The following USP34 variants were observed in gnomAD, a reference collection of about 807,000 sequenced individuals.
The protein encoded by USP34 is ubiquitin carboxyl-terminal hydrolase 34.
A neutral mutation model predicts 460.3 loss-of-function variants in USP34; 70 were observed. That is an observed-to-expected ratio of 0.15 (90% CI 0.13 to 0.19). USP34 has a LOEUF of 0.19. USP34 is among the 10% of genes least tolerant of loss of function. The probability of loss-of-function intolerance (pLI) is 1.00; values close to 1 mark genes in which losing one functional copy is unlikely to be tolerated. For missense variants in USP34, 3,985 were observed against 4,236.2 expected, an observed-to-expected ratio of 0.94 and a Z score of 1.65; for synonymous variants, 1,647 against 1,405.3, an observed-to-expected ratio of 1.17 and a Z score of -3.85.
intron 53 of USP34, among the ~76,000 whole-genome samples, chr2:61,239,300 T>TCACTCACACACACA (rs1553355588): frequency 1.7e-4 from 23 of 132,856 alleles, no homozygotes; most frequent in East Asian, 1.2e-3. Flanking sequence ...GAGGGCCCTG[T>TCACTCACACACACA]CACACACACA....
intron 1 of USP34, among the ~76,000 whole-genome samples, chr2:61,432,714 G>A (rs568804854): frequency 6.6e-6 from 1 of 152,002 alleles, no homozygotes; most frequent in East Asian, 1.9e-4. Flanking sequence ...GGGTGGGAGA[G>A]AGACAATGGA....
At chr2:61,246,920 A>G (rs1382608837) in intron 49 of USP34, among the ~76,000 whole-genome samples, 1 of 152,174 alleles carries the variant, frequency 6.6e-6, no homozygotes, top group African/African-American at 2.4e-5. Flanking sequence ...CTAAGACCTA[A>G]AAAGGAATTA....
chr2:61,416,080 A>G (rs1558581695), intron 2 of USP34, among the ~76,000 whole-genome samples: 1 of 152,194 alleles, frequency 6.6e-6, no homozygotes, highest in Non-Finnish European at 1.5e-5. Flanking sequence ...GAATGAAAGG[A>G]CTATTACTCC....
intron 21 of USP34, among the ~76,000 whole-genome samples, chr2:61,320,451 G>A (rs1237630065): frequency 6.6e-6 from 1 of 152,168 alleles, no homozygotes; most frequent in African/African-American, 2.4e-5. Flanking sequence ...GCAGACATGG[G>A]GAGAATGTGT....
At chr2:61,212,998 A>G (rs1030114537) in intron 68 of USP34, among the ~76,000 whole-genome samples, 6 of 152,158 alleles carry the variant, frequency 3.9e-5, no homozygotes, top group Admixed American at 6.5e-5. Flanking sequence ...TGGTACTTGT[A>G]CACTCACTCT....
rs72884976 is a variant in USP34, at chr2:61,188,402, A to G, written c.10341T>C (p.Cys3447=). 2,040 of 1,614,182 alleles carry G rather than the reference A, an allele frequency of 1.3e-3. 28 individuals carry two copies. The African/African-American group carries it at 0.024, about 19-fold the overall frequency. The part of the protein sequence containing the change: ...EQSNNGRYDD[C]KEFKDLHCSK... ...AACAGTGGAGGTCTTTAAATTCTTT[A>G]CAATCGTCATATCTACCATTGTTGG... The change falls in exon 80 of 80, where the codon TGT becomes TGC. Residue 3447 remains cysteine (C), a synonymous_variant. Coordinates refer to ENST00000398571, the MANE Select transcript of USP34 (RefSeq NM_014709.4).
intron 1 of USP34, among the ~76,000 whole-genome samples, chr2:61,455,274 G>C (rs1471313106): frequency 2.0e-5 from 3 of 152,036 alleles, no homozygotes; most frequent in Admixed American, 2.0e-4. Flanking sequence ...CGCCTCCCGG[G>C]TTCAAGCAAT....
At chr2:61,231,407 T>C (rs1349490387) in intron 58 of USP34, among the ~76,000 whole-genome samples, 1 of 152,114 alleles carries the variant, frequency 6.6e-6, no homozygotes, top group Non-Finnish European at 1.5e-5. Flanking sequence ...TGGGTAAATT[T>C]TATGGTATAA....
At chr2:61,443,828 C>G (rs1401531793) in intron 1 of USP34, among the ~76,000 whole-genome samples, 1 of 152,142 alleles carries the variant, frequency 6.6e-6, no homozygotes, top group African/African-American at 2.4e-5. Context: ...GATATGTTAA[C>G]GTAGATTCAC....
At chr2:61,274,048 C>G (rs1158356050) in intron 41 of USP34, among the ~76,000 whole-genome samples, 5 of 150,944 alleles carry the variant, frequency 3.3e-5, no homozygotes, top group Non-Finnish European at 7.4e-5. Flanking sequence ...TATCTAGTAG[C>G]TGTAAAAGAT....
chr2:61,300,944 T>C lies in USP34; in HGVS notation c.4128+7A>G, dbSNP rs372671879. 1.9e-4 allele frequency: 306 copies of C among 1,586,998 alleles called. 1 individual carries two copies. Among genetic ancestry groups the C allele is most frequent in the East Asian group, 1.1e-3 (48 of 44,592 alleles). On this transcript the variant is annotated splice_region_variant and intron_variant, in intron 29 of 79. Coordinates refer to ENST00000398571, the MANE Select transcript of USP34 (RefSeq NM_014709.4). ...AAACAAGATTTGTGAAAATGAAACATAGTCACCTCACTATCATCCACTGCC... is the reference window on the plus strand; with the variant it reads ...AAACAAGATTTGTGAAAATGAAACACAGTCACCTCACTATCATCCACTGCC...
At chr2:61,341,017 C>T (rs1270546598) in intron 16 of USP34, among the ~76,000 whole-genome samples, 1 of 152,136 alleles carries the variant, frequency 6.6e-6, no homozygotes, top group Non-Finnish European at 1.5e-5. Flanking sequence ...AAGCCCTAGG[C>T]AATGATTGAG....
In USP34 at chr2:61,192,941, G is replaced by A; in HGVS notation, c.9548C>T (p.Ala3183Val). The change falls in exon 76 of 80, where the codon GCA becomes GTA. Residue 3183 changes from alanine to valine, a missense_variant. This residue lies in a region of USP34 where 506 missense variants were observed against 439.0 expected (regional missense o/e 1.15). Coordinates refer to ENST00000398571, the MANE Select transcript of USP34 (RefSeq NM_014709.4). The part of the protein sequence containing the change: ...VAYEGLPLHL[A>V]LFPKLWTELC... ...CTCAGTCCAAAGTTTGGGGAACAGTGCAAGATGAAGTGGCAAACCTTCATA... is the reference window on the plus strand; with the variant it reads ...CTCAGTCCAAAGTTTGGGGAACAGTACAAGATGAAGTGGCAAACCTTCATA... The A allele has an allele frequency of 1.2e-6, 2 of 1,613,908 alleles. No homozygotes were observed. Among genetic ancestry groups the A allele is most frequent in the South Asian group, 1.1e-5 (1 of 91,066 alleles).
Position 61,315,347 on chromosome 2 carries a change from A to G in USP34, c.3283-373T>C, listed in dbSNP as rs1296155955. On this transcript the variant is annotated intron_variant, in intron 23 of 79. Transcript: ENST00000398571. ...TTCTTGTATTCACAGAAAATTAACA[A>G]CATATGCTAACTCAAGTTCTCACCC... Among the ~76,000 whole-genome samples, 15 of 152,034 alleles carry G rather than the reference A, an allele frequency of 9.9e-5. 1 individual carries two copies. The highest frequency in any genetic ancestry group is 2.1e-4 in the South Asian group (1 of 4,820).
chr2:61,235,706 C>G lies in USP34; in HGVS notation c.7032+139G>C. ...GATATATAAATTATAACTTTCTCAG[C>G]TACCAAATGATTTTAAGAATGACTT... is the stretch of plus-strand genomic sequence containing the variant. On this transcript the variant is annotated intron_variant, in intron 57 of 79. Coordinates refer to ENST00000398571, the MANE Select transcript of USP34 (RefSeq NM_014709.4). 5 of 713,860 alleles carry G rather than the reference C, an allele frequency of 7.0e-6. No homozygotes were observed. In the South Asian group the frequency reaches 1.0e-4, roughly 14 times the overall value. The allele number at this position is 713,860 out of a possible 1,614,324, so 44.2% of individuals were successfully genotyped here.
chr2:61,261,129 C>T (rs555690410), intron 43 of USP34, among the ~76,000 whole-genome samples: 1 of 152,240 alleles, frequency 6.6e-6, no homozygotes, highest in South Asian at 2.1e-4. Flanking sequence ...CACACAATTC[C>T]CATATGATCC....
chr2:61,349,008 A>C (rs1345774777), intron 13 of USP34, 122 bp from the exon 14 acceptor site: 1 of 1,176,148 alleles, frequency 8.5e-7, no homozygotes, highest in Non-Finnish European at 1.2e-6. Context: ...AGCCAAAAAT[A>C]AAATCTCTAA....
At chr2:61,391,511 C>A (rs934642062) in intron 5 of USP34, among the ~76,000 whole-genome samples, 1 of 152,034 alleles carries the variant, frequency 6.6e-6, no homozygotes, top group Non-Finnish European at 1.5e-5. Context: ...GAGTTATTTT[C>A]TTTTCTTTAC....
intron 44 of USP34, among the ~76,000 whole-genome samples, chr2:61,258,700 C>T (rs540334052): frequency 6.6e-5 from 10 of 152,022 alleles, no homozygotes; most frequent in Admixed American, 4.6e-4. Context: ...CCATTCTGTT[C>T]GTAATGAAGA....
Sources: allele counts gnomAD v4.1 joint callset (sites outside exome capture counted in the v4.1 genomes callset), GRCh38; gene constraint gnomAD v4.1.1; regional missense constraint gnomAD v4.1.1; transcripts MANE v1.5; gene names NCBI Gene and HGNC (gene_info 2026-07-23, HGNC 2026-07-21).